Variants in ARHGAP15 observed in about 807,000 individuals in gnomAD.
The protein encoded by ARHGAP15 is Rho GTPase activating protein 15.
Under a neutral mutation model 63.7 loss-of-function variants are expected in ARHGAP15, and 51 were observed. The ratio of observed to expected loss-of-function variants is 0.80; its 90% CI spans 0.64 to 1.01. The LOEUF (loss-of-function observed/expected upper bound fraction) is 1.01, where lower values mean the gene tolerates loss of function less well. Among genes scored for constraint, ARHGAP15 ranks in the 50% least tolerant of loss-of-function variants. The probability of loss-of-function intolerance (pLI) is 0.00; values close to 1 mark genes in which losing one functional copy is unlikely to be tolerated. For missense variants in ARHGAP15, 560 were observed against 564.6 expected (o/e 0.99, Z 0.08); for synonymous variants, 191 against 193.8 (o/e 0.99, Z 0.12).
At chr2:143,548,712 AATG>A (rs1161167983) in intron 10 of ARHGAP15, among the ~76,000 whole-genome samples, 1 of 152,086 alleles carries the variant, frequency 6.6e-6, no homozygotes, top group African/African-American at 2.4e-5. Context: ...AAATCTAGAT[AATG>A]ATGATAACCA....
chr2:143,253,022 A>G (rs1228116770), intron 6 of ARHGAP15, among the ~76,000 whole-genome samples: 1 of 152,096 alleles, frequency 6.6e-6, no homozygotes, highest in Non-Finnish European at 1.5e-5. Context: ...GAAAAAGACC[A>G]TCATAGCTTC....
intron 6 of ARHGAP15, among the ~76,000 whole-genome samples, chr2:143,333,798 G>A (rs933963232): frequency 7.9e-5 from 12 of 152,232 alleles, no homozygotes; most frequent in Non-Finnish European, 1.0e-4. Flanking sequence ...AGAAGAAACA[G>A]GAAAAAGATG....
At chr2:143,671,828 C>A (rs1682543428) in intron 12 of ARHGAP15, among the ~76,000 whole-genome samples, 1 of 152,128 alleles carries the variant, frequency 6.6e-6, no homozygotes, top group Non-Finnish European at 1.5e-5. Context: ...TTTTGATTGT[C>A]TTTATGTATT....
At chr2:143,327,842 C>T (rs1271433402) in intron 6 of ARHGAP15, among the ~76,000 whole-genome samples, 2 of 151,204 alleles carry the variant, frequency 1.3e-5, no homozygotes, top group Non-Finnish European at 2.9e-5. Flanking sequence ...ACAAGTTTTG[C>T]AATCTATCCA....
At chr2:143,272,316 A>G (rs1221696734) in intron 6 of ARHGAP15, among the ~76,000 whole-genome samples, 1 of 152,042 alleles carries the variant, frequency 6.6e-6, no homozygotes, top group Non-Finnish European at 1.5e-5. Flanking sequence ...CTTAACATCC[A>G]TACTTTTTCT....
At chr2:143,449,062 C>A (rs888135898) in intron 8 of ARHGAP15, among the ~76,000 whole-genome samples, 7 of 151,940 alleles carry the variant, frequency 4.6e-5, no homozygotes, top group African/African-American at 1.7e-4. Flanking sequence ...GCTATTTAAT[C>A]TCATCAATCC....
intron 11 of ARHGAP15, among the ~76,000 whole-genome samples, chr2:143,603,667 TGTTGAA>T (rs1200838055): frequency 6.6e-6 from 1 of 152,202 alleles, no homozygotes; most frequent in Non-Finnish European, 1.5e-5. Flanking sequence ...ATCTTAAAGC[TGTTGAA>T]GTTGAAGTAG....
intron 6 of ARHGAP15, among the ~76,000 whole-genome samples, chr2:143,412,085 G>A (rs1161606961): frequency 6.6e-6 from 1 of 152,168 alleles, no homozygotes; most frequent in Non-Finnish European, 1.5e-5. Context: ...AACCAGTAGT[G>A]TGTTTGGGCC....
chr2:143,352,660 A>G (rs1161735994), intron 6 of ARHGAP15, among the ~76,000 whole-genome samples: 2 of 152,240 alleles, frequency 1.3e-5, no homozygotes, highest in Non-Finnish European at 2.9e-5. Flanking sequence ...TGCTTAACTC[A>G]GAATTTAAAA....
At chr2:143,147,709 T>A (rs557850772) in intron 1 of ARHGAP15, among the ~76,000 whole-genome samples, 105 of 152,150 alleles carry the variant, frequency 6.9e-4, no homozygotes, top group South Asian at 8.3e-4. Context: ...AGTCTTTACC[T>A]TTCTTTTCAT....
At chr2:143,451,676 C>G (rs955785150) in intron 8 of ARHGAP15, among the ~76,000 whole-genome samples, 2 of 151,858 alleles carry the variant, frequency 1.3e-5, no homozygotes, top group African/African-American at 4.8e-5. Context: ...ACAAATTTCT[C>G]TAGATAATAT....
intron 8 of ARHGAP15, among the ~76,000 whole-genome samples, chr2:143,439,797 A>G (rs1689797166): frequency 6.6e-6 from 1 of 152,170 alleles, no homozygotes; most frequent in Non-Finnish European, 1.5e-5. Context: ...GTGAACAAGT[A>G]AAAGGTAAAC....
intron 13 of ARHGAP15, among the ~76,000 whole-genome samples, chr2:143,718,646 C>A (rs1041224761): frequency 6.6e-6 from 1 of 152,130 alleles, no homozygotes; most frequent in Non-Finnish European, 1.5e-5. Context: ...TAAACTGTTT[C>A]CTCATACATT....
In ARHGAP15 at chr2:143,329,722, AT is replaced by A. The variant is rs972054969; in HGVS notation, c.474+79125del. ...ATCCAATGCACTATAAAACTTGTCA[AT>A]TTATGTAGAAATTATATACACATAC... On this transcript the variant is annotated intron_variant, in intron 6 of 13. Coordinates refer to ENST00000295095, the MANE Select transcript of ARHGAP15 (RefSeq NM_018460.4). Among the ~76,000 whole-genome samples the A allele has an allele frequency of 8.5e-5, 13 of 152,244 alleles. 1 individual carries two copies. The highest frequency in any genetic ancestry group is 3.4e-3 in the Middle Eastern group (1 of 294).
At chr2:143,304,374 T>C (rs1683070113) in intron 6 of ARHGAP15, among the ~76,000 whole-genome samples, 2 of 151,924 alleles carry the variant, frequency 1.3e-5, no homozygotes, top group Non-Finnish European at 2.9e-5. Context: ...AAACACCGCA[T>C]ATTCTCACAC....
intron 3 of ARHGAP15, among the ~76,000 whole-genome samples, chr2:143,215,996 G>A (rs2304728): frequency 0.17 from 26,000 of 152,092 alleles, 2,430 homozygotes; most frequent in Middle Eastern, 0.24. Flanking sequence ...TCCCGGCTTC[G>A]GAAGGTACAT....
At chr2:143,220,265 C>A (rs1692934514) in intron 4 of ARHGAP15, among the ~76,000 whole-genome samples, 1 of 152,162 alleles carries the variant, frequency 6.6e-6, no homozygotes, top group South Asian at 2.1e-4. Flanking sequence ...CTCTGTCACC[C>A]AGGCTGGAGT....
At chr2:143,321,887 A>G (rs1164784670) in intron 6 of ARHGAP15, among the ~76,000 whole-genome samples, 1 of 152,144 alleles carries the variant, frequency 6.6e-6, no homozygotes, top group Non-Finnish European at 1.5e-5. Flanking sequence ...TATGTTGCCC[A>G]TGCTGGTCTT....
intron 11 of ARHGAP15, among the ~76,000 whole-genome samples, chr2:143,562,493 C>T (rs1241468665): frequency 6.6e-6 from 1 of 152,232 alleles, no homozygotes; most frequent in East Asian, 1.9e-4. Context: ...CCAATCACAG[C>T]AACAACGAAA....
Sources: gnomAD v4.1 joint callset for allele counts (sites outside exome capture counted in the v4.1 genomes callset) on GRCh38, gnomAD v4.1.1 for gene constraint, MANE v1.5 for transcripts, NCBI Gene and HGNC (gene_info 2026-07-23, HGNC 2026-07-21) for gene names.